The following ST3GAL3 variants were observed in gnomAD, a reference collection of about 807,000 sequenced individuals.
ST3GAL3 encodes the protein CMP-N-acetylneuraminate-beta-1,4-galactoside alpha-2,3-sialyltransferase.
ST3GAL3 carries 21 observed loss-of-function variants against 50.1 expected under a neutral mutation model. The ratio of observed to expected loss-of-function variants is 0.42; its 90% CI spans 0.30 to 0.60. The LOEUF (loss-of-function observed/expected upper bound fraction) is 0.60, where lower values mean the gene tolerates loss of function less well. Ranked by LOEUF, ST3GAL3 falls within the 20% of genes least tolerant of loss-of-function variation. ST3GAL3 has a pLI of 0.19. For missense variants in ST3GAL3, 353 were observed against 489.4 expected (o/e 0.72, Z 2.63); for synonymous variants, 183 against 190.0 (o/e 0.96, Z 0.30).
chr1:43,739,770 A>G (rs1426886621), intron 2 of ST3GAL3, among the ~76,000 whole-genome samples: 4 of 152,132 alleles, frequency 2.6e-5, no homozygotes, highest in Admixed American at 6.6e-5. Context: ...TCCAAGGTGT[A>G]TTGTAGAGGG....
At chr1:43,784,700 T>C (rs534058488) in intron 2 of ST3GAL3, among the ~76,000 whole-genome samples, 8 of 152,342 alleles carry the variant, frequency 5.3e-5, no homozygotes, top group Admixed American at 5.2e-4. Flanking sequence ...GTAAGTTAAA[T>C]TAATGAAAGT....
At chr1:43,791,028 G>A (rs1322693260) in intron 2 of ST3GAL3, among the ~76,000 whole-genome samples, 1 of 152,106 alleles carries the variant, frequency 6.6e-6, no homozygotes, top group African/African-American at 2.4e-5. Flanking sequence ...TTGCTCTGGA[G>A]CACCAGACTC....
chr1:43,902,085 C>T (rs1035867996), intron 9 of ST3GAL3, among the ~76,000 whole-genome samples: 2 of 152,242 alleles, frequency 1.3e-5, no homozygotes, highest in African/African-American at 4.8e-5. Flanking sequence ...TCCCTGGCAT[C>T]TGAGACCCAG....
At chr1:43,814,864 G>T in intron 3 of ST3GAL3, 27 bp from the exon 4 acceptor site, 1 of 1,613,596 alleles carries the variant, frequency 6.2e-7, no homozygotes, top group Non-Finnish European at 8.5e-7. Context: ...CTTGACTTCA[G>T]TGACATTTTC....
chr1:43,818,675 A>G (rs2061707236), intron 4 of ST3GAL3, among the ~76,000 whole-genome samples: 1 of 152,238 alleles, frequency 6.6e-6, no homozygotes, highest in African/African-American at 2.4e-5. Flanking sequence ...TCATTTATAA[A>G]GCAATTAAAT....
rs59739550 is a variant in ST3GAL3 at position 43,889,203 on chromosome 1, T to TACACACACAC, written c.303-5159_303-5150dup. On this transcript the variant is annotated intron_variant, in intron 5 of 11. Transcript: ENST00000347631. ...TAGTGAATAAAGAAGGGAACAGGAA[T>TACACACACAC]ACACACACACACACACACACACACA... Among the ~76,000 whole-genome samples, 421 of 148,148 alleles carry TACACACACAC rather than the reference T, an allele frequency of 2.8e-3. 3 individuals are homozygous for TACACACACAC. The highest frequency in any genetic ancestry group is 6.0e-3 in the African/African-American group (241 of 40,362).
intron 4 of ST3GAL3, among the ~76,000 whole-genome samples, chr1:43,821,820 T>G (rs1014390696): frequency 6.6e-6 from 1 of 152,144 alleles, no homozygotes; most frequent in African/African-American, 2.4e-5. Context: ...CCTCGAAAAG[T>G]CTCAGGGGTA....
At chr1:43,748,959 A>G (rs1466381965) in intron 2 of ST3GAL3, among the ~76,000 whole-genome samples, 3 of 152,250 alleles carry the variant, frequency 2.0e-5, no homozygotes, top group African/African-American at 7.2e-5. Context: ...TAGAGAGCTT[A>G]CACTACTTCA....
chr1:43,807,624 G>A (rs1426404894), intron 3 of ST3GAL3, among the ~76,000 whole-genome samples: 1 of 152,090 alleles, frequency 6.6e-6, no homozygotes, highest in African/African-American at 2.4e-5. Context: ...CTATTAGACA[G>A]GGGCAGGGAG....
chr1:43,783,065 A>T (rs1006802500), intron 2 of ST3GAL3, among the ~76,000 whole-genome samples: 1 of 90,834 alleles, frequency 1.1e-5, no homozygotes, highest in Non-Finnish European at 2.6e-5. Flanking sequence ...GGGGGCTCAG[A>T]TAAATTTTGA....
intron 1 of ST3GAL3, among the ~76,000 whole-genome samples, chr1:43,715,096 A>C (rs926985155): frequency 6.6e-6 from 1 of 152,164 alleles, no homozygotes; most frequent in Non-Finnish European, 1.5e-5. Context: ...TTTGTTTGGA[A>C]TATGTTAAAT....
Position 43,736,343 on chromosome 1 carries a change from G to A in ST3GAL3, c.81G>A (p.Ala27=), listed in dbSNP as rs201489310. 5.5e-5 allele frequency: 89 copies of A among 1,613,986 alleles called. No individual in the cohort carries two copies. The highest frequency in any genetic ancestry group is 1.6e-4 in the Middle Eastern group (1 of 6,084). The change falls in exon 2 of 12, where the codon GCG becomes GCA. Residue 27 remains alanine (A), a synonymous_variant. Transcript: ENST00000347631. ...FLVLGFLYYS[A]WKLHLLQWEE... ...TACTGGGATTTTTGTATTATTCTGC[G>A]TGGAAGCTACACTTACTCCAGTGGG...
chr1:43,915,641 T>C (rs1028069823), intron 9 of ST3GAL3, among the ~76,000 whole-genome samples: 21 of 151,318 alleles, frequency 1.4e-4, no homozygotes, highest in African/African-American at 5.1e-4. Context: ...TGGATAGAGG[T>C]GGGAAGGATG....
chr1:43,924,016 G>T (rs1393160604), intron 11 of ST3GAL3, among the ~76,000 whole-genome samples: 1 of 152,098 alleles, frequency 6.6e-6, no homozygotes, highest in African/African-American at 2.4e-5. Context: ...TACATTGGGG[G>T]TTAGGTTTCA....
intron 3 of ST3GAL3, among the ~76,000 whole-genome samples, chr1:43,795,170 C>G (rs2058545878): frequency 6.6e-6 from 1 of 152,206 alleles, no homozygotes; most frequent in African/African-American, 2.4e-5. Flanking sequence ...TGGTCCTCAG[C>G]CTCCATCTCC....
chr1:43,791,101 G>A (rs1350920791), intron 2 of ST3GAL3, among the ~76,000 whole-genome samples: 1 of 152,140 alleles, frequency 6.6e-6, no homozygotes, highest in Non-Finnish European at 1.5e-5. Flanking sequence ...TTCCATTCTT[G>A]TTGGGTTTGA....
At chr1:43,726,484 G>T (rs1044367212) in intron 1 of ST3GAL3, among the ~76,000 whole-genome samples, 3 of 152,072 alleles carry the variant, frequency 2.0e-5, no homozygotes, top group Admixed American at 6.6e-5. Context: ...GTGGAATTTT[G>T]CTGTGTTGCC....
intron 10 of ST3GAL3, 102 bp from the exon 11 acceptor site, chr1:43,920,680 G>A: frequency 6.2e-7 from 1 of 1,609,562 alleles, no homozygotes; most frequent in South Asian, 1.1e-5. Flanking sequence ...TCAGTCCTTG[G>A]GCATGGAGGC....
chr1:43,775,138 A>G (rs1696697852), intron 2 of ST3GAL3, among the ~76,000 whole-genome samples: 1 of 152,142 alleles, frequency 6.6e-6, no homozygotes, highest in South Asian at 2.1e-4. Flanking sequence ...CTTGTATATC[A>G]ATTTATAAAG....
Sources: gnomAD v4.1 joint callset for allele counts (sites outside exome capture counted in the v4.1 genomes callset) on GRCh38, gnomAD v4.1.1 for gene constraint, MANE v1.5 for transcripts, NCBI Gene and HGNC (gene_info 2026-07-23, HGNC 2026-07-21) for gene names.